TUBA1C: variants seen among roughly 807,000 people sequenced by gnomAD.
The protein encoded by TUBA1C is tubulin alpha 1c.
Under a neutral mutation model 34.9 loss-of-function variants are expected in TUBA1C, and 16 were observed. The observed-to-expected ratio is 0.46, with a 90% CI of 0.31 to 0.70. The LOEUF is 0.70. Ranked by LOEUF, TUBA1C falls within the 30% of genes least tolerant of loss-of-function variation. TUBA1C has a pLI of 0.05. For missense variants in TUBA1C, 329 were observed against 587.3 expected (o/e 0.56, Z 4.55); for synonymous variants, 177 against 215.9 (o/e 0.82, Z 1.58).
At chr12:49,236,813 G>A (rs947103591) in intron 1 of TUBA1C, among the ~76,000 whole-genome samples, 4 of 152,174 alleles carry the variant, frequency 2.6e-5, no homozygotes, top group African/African-American at 9.7e-5. Context: ...ATAACACCAT[G>A]ATAAGTATTC....
At chr12:49,249,170 G>A (rs1430548899) in intron 1 of TUBA1C, among the ~76,000 whole-genome samples, 1 of 152,184 alleles carries the variant, frequency 6.6e-6, no homozygotes, top group African/African-American at 2.4e-5. Flanking sequence ...GCTCATGCCT[G>A]TAATCCCAGC....
At chr12:49,241,687 G>A (rs1431253033) in intron 1 of TUBA1C, among the ~76,000 whole-genome samples, 1 of 125,450 alleles carries the variant, frequency 8.0e-6, no homozygotes, top group East Asian at 2.4e-4. Context: ...GTCTCGCTCT[G>A]CCCCCAGGCT....
chr12:49,235,749 A>T (rs1942548693), intron 1 of TUBA1C, among the ~76,000 whole-genome samples: 1 of 151,888 alleles, frequency 6.6e-6, no homozygotes, highest in Admixed American at 6.6e-5. Flanking sequence ...AAAAAAAAAA[A>T]AATCTTACAT....
At chr12:49,263,113 T>C (rs1375068554), upstream of TUBA1C, among the ~76,000 whole-genome samples, 1 of 138,302 alleles carries the variant, frequency 7.2e-6, no homozygotes, top group Non-Finnish European at 1.5e-5. Flanking sequence ...AACCTCCACC[T>C]CCCAGGTTCA....
At chr12:49,272,178 C>T (rs1942999998) in intron 3 of TUBA1C, 75 bp from the exon 4 acceptor site, 9 of 1,533,952 alleles carry the variant, frequency 5.9e-6, no homozygotes, top group African/African-American at 2.8e-5. Flanking sequence ...TATAGAAGTC[C>T]TCTGTAGGTT....
upstream of TUBA1C, chr12:49,265,076 C>A: frequency 1.4e-6 from 2 of 1,420,230 alleles, no homozygotes; most frequent in East Asian, 2.6e-5. Context: ...GGCCGGCCAC[C>A]CTTTCACTAC....
chr12:49,252,782 G>A (rs754291058), intron 1 of TUBA1C, among the ~76,000 whole-genome samples: 46 of 152,076 alleles, frequency 3.0e-4, no homozygotes, highest in Admixed American at 7.9e-4. Context: ...GCATGGTGGC[G>A]GGCGCCTGTA....
At chr12:49,271,454 C>T (rs542628606) in intron 3 of TUBA1C, among the ~76,000 whole-genome samples, 2 of 152,268 alleles carry the variant, frequency 1.3e-5, no homozygotes, top group Non-Finnish European at 2.9e-5. Context: ...TTCTTGGTAC[C>T]TAGTGTCATA....
chr12:49,228,776 AC>A (rs1177533023), intron 1 of TUBA1C, among the ~76,000 whole-genome samples: 3 of 152,214 alleles, frequency 2.0e-5, no homozygotes, highest in African/African-American at 7.2e-5. Context: ...AGGCGCTAAC[AC>A]AATCTGCAAT....
intron 1 of TUBA1C, among the ~76,000 whole-genome samples, chr12:49,252,540 A>G (rs1334457380): frequency 6.6e-6 from 1 of 152,184 alleles, no homozygotes; most frequent in Non-Finnish European, 1.5e-5. Context: ...CTTTGGGGGA[A>G]GTTGAGGGCA....
upstream of TUBA1C, among the ~76,000 whole-genome samples, chr12:49,263,455 G>C (rs1035215849): frequency 6.6e-6 from 1 of 152,018 alleles, no homozygotes. Flanking sequence ...TCTGGGGAAT[G>C]AATGAAAAAG....
chr12:49,231,524 C>T (rs926276763), intron 1 of TUBA1C, among the ~76,000 whole-genome samples: 1 of 152,104 alleles, frequency 6.6e-6, no homozygotes, highest in African/African-American at 2.4e-5. Flanking sequence ...GGGCACTGTG[C>T]GAAATATAAA....
At position 49,272,391 on chromosome 12, in the gene TUBA1C, T is replaced by C; in HGVS notation, c.514T>C (p.Tyr172His). 6.2e-7 allele frequency: 1 copy of C among 1,614,116 alleles called. No homozygotes were observed. The highest frequency in any genetic ancestry group is 2.2e-5 in the East Asian group (1 of 44,876). ...GKKSKLEFSI[Y>H]PAPQVSTAVV... ...GAAGTCCAAGCTGGAGTTCTCCATTTACCCGGCGCCCCAGGTTTCCACAGC... is the reference window on the plus strand; with the variant it reads ...GAAGTCCAAGCTGGAGTTCTCCATTCACCCGGCGCCCCAGGTTTCCACAGC... The change falls in exon 4 of 4, where the codon TAC becomes CAC. Residue 172 changes from tyrosine to histidine, a missense_variant. Tyr to His is a moderately conservative substitution (Grantham distance 83). Coordinates refer to ENST00000301072, the MANE Select transcript of TUBA1C (RefSeq NM_032704.5).
chr12:49,250,383 G>T (rs1444671934), intron 1 of TUBA1C, among the ~76,000 whole-genome samples: 1 of 151,762 alleles, frequency 6.6e-6, no homozygotes, highest in Non-Finnish European at 1.5e-5. Flanking sequence ...AATTAGTCGG[G>T]CATGGTGGCG....
chr12:49,228,458 C>A (rs561832825), intron 1 of TUBA1C, among the ~76,000 whole-genome samples: 94 of 152,242 alleles, frequency 6.2e-4, no homozygotes, highest in African/African-American at 2.2e-3. Context: ...CTTTAAATGG[C>A]CTCCCTGATT....
Position 49,228,779 on chromosome 12 carries a change from A to G in TUBA1C, c.213+613A>G, listed in dbSNP as rs867297800. ...TGGGAAGAGAGTAGGCGCTAACACA[A>G]TCTGCAATTTACAAGTCTCTGTTCC... On this transcript the variant is annotated intron_variant, in intron 1 of 3. Coordinates refer to the TUBA1C transcript ENST00000541364. Among the ~76,000 whole-genome samples, 199 of 152,308 alleles carry G rather than the reference A, an allele frequency of 1.3e-3. 1 individual carries two copies. The highest frequency in any genetic ancestry group is 4.7e-3 in the African/African-American group (194 of 41,566).
At position 49,272,654 on chromosome 12, in the gene TUBA1C, G is replaced by C; in HGVS notation, c.777G>C (p.Leu259=). 6.2e-7 allele frequency: 1 copy of C among 1,610,166 alleles called. No homozygotes were observed. Among genetic ancestry groups the C allele is most frequent in the Non-Finnish European group, 8.5e-7 (1 of 1,178,858 alleles). Reference sequence around the variant, plus strand: ...ACCTGACAGAATTCCAGACCAACCTGGTGCCCTACCCCCGCATCCACTTCC... The same window carrying C: ...ACCTGACAGAATTCCAGACCAACCTCGTGCCCTACCCCCGCATCCACTTCC... The part of the protein sequence containing the change: ...NVDLTEFQTN[L]VPYPRIHFPL... Residue 259 remains leucine (L), a synonymous_variant, in exon 4 of 4, where the codon CTG becomes CTC. Transcript: ENST00000301072.
intron 1 of TUBA1C, among the ~76,000 whole-genome samples, chr12:49,232,008 C>G (rs1331408430): frequency 2.0e-5 from 3 of 152,186 alleles, no homozygotes; most frequent in Non-Finnish European, 4.4e-5. Flanking sequence ...GATTTCCTGG[C>G]TGGGGGTGGC....
At chr12:49,261,963 TCCTTTGCTCATATTTGTA>T, upstream of TUBA1C, among the ~76,000 whole-genome samples, 1 of 152,282 alleles carries the variant, frequency 6.6e-6, no homozygotes, top group South Asian at 2.1e-4. Flanking sequence ...GCATGTTTTC[TCCTTTGCTCATATTTGTA>T]GAGCTCACAT....
Sources: allele counts gnomAD v4.1 joint callset (sites outside exome capture counted in the v4.1 genomes callset), GRCh38; gene constraint gnomAD v4.1.1; transcripts MANE v1.5; gene names NCBI Gene and HGNC (gene_info 2026-07-23, HGNC 2026-07-21).